Variants in ACVR2B observed in about 807,000 individuals in gnomAD.
The protein encoded by ACVR2B is activin receptor type-2B.
A neutral mutation model predicts 65.1 loss-of-function variants in ACVR2B; 18 were observed. The ratio of observed to expected loss-of-function variants is 0.28; its 90% CI spans 0.19 to 0.41. ACVR2B has a LOEUF of 0.41. Ranked by LOEUF, ACVR2B falls within the 10% of genes least tolerant of loss-of-function variation. ACVR2B has a pLI of 1.00. For synonymous variants in ACVR2B, 298 were observed against 277.7 expected (o/e 1.07, Z -0.73); for missense variants, 482 against 682.7 (o/e 0.71, Z 3.28).
At chr3:38,482,632 C>T (rs766627748) in intron 10 of ACVR2B, 72 bp downstream of exon 10, 5 of 1,573,304 alleles carry the variant, frequency 3.2e-6, no homozygotes, top group Non-Finnish European at 4.3e-6. Context: ...AGCAGGTAAG[C>T]TGAAATCAAG....
chr3:38,461,892 T>G (rs559411446), intron 1 of ACVR2B, among the ~76,000 whole-genome samples: 1 of 152,178 alleles, frequency 6.6e-6, no homozygotes, highest in South Asian at 2.1e-4. Context: ...GAAATACTTA[T>G]AGAAATAGAG....
In ACVR2B at chr3:38,488,564, G is replaced by C. The variant is rs1444535142; in HGVS notation, c.*5232G>C. 1 of 151,898 alleles carries C rather than the reference G, an allele frequency of 6.6e-6. No individual in the cohort carries two copies. The highest frequency in any genetic ancestry group is 1.5e-5 in the Non-Finnish European group (1 of 67,950). 9.4% of individuals were successfully genotyped at this position (151,898 alleles called of 1,614,324 possible). A position where few individuals can be genotyped will look rare whatever the true frequency, so the allele number is the denominator to read the frequency against. On this transcript the variant is annotated 3_prime_UTR_variant, in exon 11 of 11. Coordinates refer to ENST00000352511, the MANE Select transcript of ACVR2B (RefSeq NM_001106.4). ...TATTTTGGGTCCACTGTAAACTTTG[G>C]TTCAAAAAAGAATTTGAATTTAAAG...
chr3:38,459,009 C>T (rs1291878320), intron 1 of ACVR2B, among the ~76,000 whole-genome samples: 1 of 152,174 alleles, frequency 6.6e-6, no homozygotes, highest in Non-Finnish European at 1.5e-5. Flanking sequence ...AAAAATGTTT[C>T]CAGATCTTGC....
intron 1 of ACVR2B, chr3:38,459,779 G>T (rs1461323931): frequency 3.1e-6 from 2 of 646,740 alleles, no homozygotes; most frequent in African/African-American, 3.9e-5. Context: ...CTGGGGAGGT[G>T]TGGGCAGCGC....
At position 38,477,055 on chromosome 3, in the gene ACVR2B, C is replaced by T; in HGVS notation, c.53-232C>T. 1 of 599,050 alleles carries T rather than the reference C, an allele frequency of 1.7e-6. No individual in the cohort carries two copies. Among genetic ancestry groups the T allele is most frequent in the Admixed American group, 2.9e-5 (1 of 34,068 alleles). 37.1% of individuals were successfully genotyped at this position (599,050 alleles called of 1,614,324 possible). ...CCCTTTTGCTTAGGCCTAGGGGCAG[C>T]TGTGATGGGCTGCAGAATGAGGTGG... is the stretch of plus-strand genomic sequence containing the variant. On this transcript the variant is annotated intron_variant, in intron 1 of 10. Coordinates refer to ENST00000352511, the MANE Select transcript of ACVR2B (RefSeq NM_001106.4). The surrounding 1 kb of genome is among the most constrained non-coding windows in gnomAD (Gnocchi z 6.7).
intron 1 of ACVR2B, among the ~76,000 whole-genome samples, chr3:38,463,195 G>T (rs1262246580): frequency 6.6e-6 from 1 of 152,134 alleles, no homozygotes; most frequent in Non-Finnish European, 1.5e-5. Context: ...TCTGGGTTTG[G>T]GATGGAAGTG....
At position 38,482,323 on chromosome 3, in the gene ACVR2B, C is replaced by T; in HGVS notation, c.1200C>T (p.Cys400=). 6.2e-7 allele frequency: 1 copy of T among 1,611,718 alleles called. No individual in the cohort carries two copies. The highest frequency in any genetic ancestry group is 8.5e-7 in the Non-Finnish European group (1 of 1,179,544). Residue 400 remains cysteine, a synonymous_variant, in exon 9 of 11, where the codon TGC becomes TGT. Transcript: ENST00000352511. ...TGCTGTGGGAGCTTGTGTCTCGCTG[C>T]AAGGCTGCAGACGGTAAGTAGGATG... ...GLVLWELVSR[C]KAADGPVDEY... is the part of the protein sequence containing the mutation.
At chr3:38,455,165 G>A (rs1415518792) in intron 1 of ACVR2B, among the ~76,000 whole-genome samples, 1 of 152,170 alleles carries the variant, frequency 6.6e-6, no homozygotes, top group East Asian at 1.9e-4. Context: ...GGGTATGTGG[G>A]CGCGGGCGTA....
At position 38,481,375 on chromosome 3, in the gene ACVR2B, G is replaced by A; in HGVS notation, c.984G>A (p.Leu328=). 6.2e-7 allele frequency: 1 copy of A among 1,614,190 alleles called. No homozygotes were observed. The highest frequency in any genetic ancestry group is 8.5e-7 in the Non-Finnish European group (1 of 1,180,024). Residue 328 remains leucine (L), a synonymous_variant, in exon 8 of 11, where the codon TTG becomes TTA. Coordinates refer to ENST00000352511, the MANE Select transcript of ACVR2B (RefSeq NM_001106.4). This position sits in a 1 kb window ranked among gnomAD's most constrained non-coding sequence, Gnocchi z 4.7. ...GGGACTTTAAAAGTAAGAATGTATTGCTGAAGAGCGACCTCACAGCCGTGC... is the reference window on the plus strand; with the variant it reads ...GGGACTTTAAAAGTAAGAATGTATTACTGAAGAGCGACCTCACAGCCGTGC... ...AHRDFKSKNV[L]LKSDLTAVLA...
In ACVR2B at chr3:38,466,103, G is replaced by A. The variant is rs577934467; in HGVS notation, c.53-11184G>A. On this transcript the variant is annotated intron_variant, in intron 1 of 10. Transcript: ENST00000352511. ...GTCATCATCATGTTAAGTGAAATAA[G>A]CCAGACATGGAAGGACAAATAACCA... 2.0e-5 allele frequency among the ~76,000 whole-genome samples: 3 copies of A among 152,304 alleles called. No individual in the cohort carries two copies. The South Asian group carries it at 6.2e-4, about 32-fold the overall frequency.
intron 1 of ACVR2B, chr3:38,476,027 A>G (rs1337112042): frequency 1.3e-5 from 2 of 152,262 alleles, no homozygotes; most frequent in Non-Finnish European, 2.9e-5. Context: ...GGGTTCTGGC[A>G]GTGAGGTTGT....
At position 38,484,358 on chromosome 3, in the gene ACVR2B, C is replaced by G. The variant is rs1455620495; in HGVS notation, c.*1026C>G. The G allele has an allele frequency of 2.6e-5, 4 of 152,176 alleles. No individual in the cohort carries two copies. In the East Asian group the frequency reaches 7.7e-4, roughly 29 times the overall value. 9.4% of individuals were successfully genotyped at this position (152,176 alleles called of 1,614,324 possible). ...ACTTTTGTTTCCTCTTGGAGCAGTT[C>G]AGGGAAATGCCCACAGGGGATTGTC... On this transcript the variant is annotated 3_prime_UTR_variant, in exon 11 of 11. Coordinates refer to ENST00000352511, the MANE Select transcript of ACVR2B (RefSeq NM_001106.4).
Position 38,483,089 on chromosome 3 carries a change from T to C in ACVR2B, c.1345-49T>C, listed in dbSNP as rs1305980185. 5.6e-6 allele frequency: 9 copies of C among 1,607,988 alleles called. No individual in the cohort carries two copies. Among genetic ancestry groups the C allele is most frequent in the Middle Eastern group, 1.7e-4 (1 of 5,844 alleles). ...ACTGTCCCCCAAAGCTTTTCCTCAC[T>C]GAAGGGTCCTAACAAAGGTGTCTTT... On this transcript the variant is annotated intron_variant, in intron 10 of 10. Transcript: ENST00000352511. This position sits in a 1 kb window ranked among gnomAD's most constrained non-coding sequence, Gnocchi z 4.8.
intron 1 of ACVR2B, among the ~76,000 whole-genome samples, chr3:38,464,432 C>T (rs933856719): frequency 2.0e-5 from 3 of 152,108 alleles, no homozygotes; most frequent in Non-Finnish European, 4.4e-5. Flanking sequence ...ATAATCAGGA[C>T]CAAATATCTT....
At chr3:38,478,019 T>G (rs372552348) in intron 3 of ACVR2B, 49 bp downstream of exon 3, 129 of 1,607,240 alleles carry the variant, frequency 8.0e-5, no homozygotes, top group Admixed American at 1.0e-4. Flanking sequence ...GACCTGGGCT[T>G]CTTTGGCTTG....
At chr3:38,479,433 A>G (rs932757095) in intron 6 of ACVR2B, among the ~76,000 whole-genome samples, 162 bp downstream of exon 6, 6 of 152,144 alleles carry the variant, frequency 3.9e-5, no homozygotes, top group African/African-American at 4.8e-5. Context: ...AGGTGTGGAC[A>G]TTGGTTCCCC....
Position 38,492,243 on chromosome 3 carries a change from A to G in ACVR2B, c.*8911A>G, listed in dbSNP as rs144160836. On this transcript the variant is annotated 3_prime_UTR_variant, in exon 11 of 11. Coordinates refer to ENST00000352511, the MANE Select transcript of ACVR2B (RefSeq NM_001106.4). ...ACATTATTTGTAAGGGAAAGAAGGA[A>G]AACCCTAAGACTTGTCTAACTTAGT... The G allele has an allele frequency of 2.0e-5, 3 of 152,804 alleles. No individual in the cohort carries two copies. The East Asian group carries it at 5.8e-4, about 29-fold the overall frequency. The allele number at this position is 152,804 out of a possible 1,614,324, so 9.5% of individuals were successfully genotyped here. A position where few individuals can be genotyped will look rare whatever the true frequency, so the allele number is the denominator to read the frequency against.
At chr3:38,462,897 A>G (rs57475654) in intron 1 of ACVR2B, among the ~76,000 whole-genome samples, 10,328 of 152,182 alleles carry the variant, frequency 0.068, 388 homozygotes, top group Middle Eastern at 0.17. Context: ...AAGTGATGGC[A>G]GTGAGGGTAG....
At chr3:38,458,748 C>T (rs1050704660) in intron 1 of ACVR2B, among the ~76,000 whole-genome samples, 9 of 152,110 alleles carry the variant, frequency 5.9e-5, no homozygotes, top group African/African-American at 2.2e-4. Flanking sequence ...GGGTTGAGGA[C>T]TGGGTCTGGA....
Sources: gnomAD v4.1 joint callset for allele counts (sites outside exome capture counted in the v4.1 genomes callset) on GRCh38, gnomAD v4.1.1 for gene constraint, Gnocchi (gnomAD v3.1) non-coding constraint, MANE v1.5 for transcripts, NCBI Gene and HGNC (gene_info 2026-07-23, HGNC 2026-07-21) for gene names.